ANKRD36B: variants seen among roughly 807,000 people sequenced by gnomAD.
ANKRD36B encodes the protein ankyrin repeat domain-containing protein 36B.
ANKRD36B carries 37 observed loss-of-function variants against 135.7 expected under a neutral mutation model. That is an observed-to-expected ratio of 0.27 (90% CI 0.21 to 0.36). ANKRD36B has a LOEUF of 0.36. Among genes scored for constraint, ANKRD36B ranks in the 10% least tolerant of loss-of-function variants. ANKRD36B has a pLI of 1.00. For synonymous variants in ANKRD36B, 179 were observed against 348.1 expected, an observed-to-expected ratio of 0.51 and a Z score of 5.41; for missense variants, 549 against 1,037.1, an observed-to-expected ratio of 0.53 and a Z score of 6.46.
chr2:97,557,992 G>A (rs1480532736), intron 10 of ANKRD36B, among the ~76,000 whole-genome samples: 1 of 151,602 alleles, frequency 6.6e-6, no homozygotes, highest in East Asian at 1.9e-4. Context: ...AAAATAGTCT[G>A]GTATAAAATA....
intron 20 of ANKRD36B, among the ~76,000 whole-genome samples, chr2:97,548,367 A>G (rs1275506619): frequency 3.3e-5 from 5 of 151,976 alleles, no homozygotes; most frequent in East Asian, 1.9e-4. Flanking sequence ...TTAGCCTTCC[A>G]AAAGTTTCTT....
intron 22 of ANKRD36B, among the ~76,000 whole-genome samples, chr2:97,546,217 A>G (rs2079448295): frequency 6.6e-6 from 1 of 151,776 alleles, no homozygotes; most frequent in African/African-American, 2.4e-5. Flanking sequence ...CAGGTGCTAC[A>G]TGATCCCACA....
At chr2:97,565,354 C>T (rs991224869) in intron 6 of ANKRD36B, among the ~76,000 whole-genome samples, 10 of 151,948 alleles carry the variant, frequency 6.6e-5, no homozygotes, top group Non-Finnish European at 1.2e-4. Flanking sequence ...CCGTTTATTT[C>T]TTTCTCTTGC....
intron 14 of ANKRD36B, among the ~76,000 whole-genome samples, chr2:97,554,725 T>C (rs2080348953): frequency 1.3e-5 from 2 of 152,000 alleles, no homozygotes; most frequent in African/African-American, 2.4e-5. Context: ...TTGTAAAATC[T>C]ATACTTCAAC....
chr2:97,550,036 T>C (rs1355840584), intron 18 of ANKRD36B, among the ~76,000 whole-genome samples: 1 of 151,710 alleles, frequency 6.6e-6, no homozygotes, highest in Non-Finnish European at 1.5e-5. Flanking sequence ...CAAACATTCA[T>C]CATGCTCTTT....
intron 43 of ANKRD36B, among the ~76,000 whole-genome samples, chr2:97,496,709 C>G: frequency 1.4e-5 from 1 of 72,488 alleles, no homozygotes. Flanking sequence ...GAAAACACAT[C>G]GTTTACAGTA....
intron 3 of ANKRD36B, among the ~76,000 whole-genome samples, chr2:97,581,867 A>T (rs2082657237): frequency 6.6e-6 from 1 of 152,066 alleles, no homozygotes; most frequent in Non-Finnish European, 1.5e-5. Context: ...CAGTGGTGCC[A>T]TCTCGGCTCA....
intron 37 of ANKRD36B, among the ~76,000 whole-genome samples, chr2:97,514,902 C>T (rs2077740223): frequency 1.2e-5 from 1 of 83,796 alleles, no homozygotes; most frequent in African/African-American, 3.7e-5. Context: ...AAACTGGATA[C>T]ATTTTTTTTT....
chr2:97,568,741 C>T (rs2104856607), intron 6 of ANKRD36B, among the ~76,000 whole-genome samples: 1 of 152,162 alleles, frequency 6.6e-6, no homozygotes, highest in East Asian at 1.9e-4. Flanking sequence ...GAACCATAAA[C>T]TCACTGGAGC....
Position 97,493,929 on chromosome 2 carries a change from G to A in ANKRD36B, c.*7-1074C>T, listed in dbSNP as rs2077273458. The stretch of plus-strand genomic sequence containing the variant: ...ATTGCTTGTGGGAATGCAAAATGGT[G>A]CAGTCACTTCTTGAAAGTTGTATTC... On this transcript the variant is annotated intron_variant, in intron 43 of 43. Transcript: ENST00000359901. 2.0e-5 allele frequency among the ~76,000 whole-genome samples: 2 copies of A among 100,074 alleles called. 1 individual carries two copies. The highest frequency in any genetic ancestry group is 5.6e-5 in the Non-Finnish European group (2 of 35,460). The allele number at this position is 100,074 out of a possible 152,430, so 65.7% of individuals were successfully genotyped here. A position where few individuals can be genotyped will look rare whatever the true frequency, so the allele number is the denominator to read the frequency against.
intron 22 of ANKRD36B, 91 bp downstream of exon 22, chr2:97,547,445 G>C (rs572982245): frequency 1.5e-6 from 2 of 1,309,582 alleles, no homozygotes; most frequent in African/African-American, 1.5e-5. Flanking sequence ...AGAATGTGCA[G>C]CTTCAACGAG....
intron 8 of ANKRD36B, among the ~76,000 whole-genome samples, chr2:97,559,491 G>A (rs2080833695): frequency 6.6e-6 from 1 of 151,756 alleles, no homozygotes; most frequent in Admixed American, 6.6e-5. Flanking sequence ...TCTCTTCGGT[G>A]GAAATGTCCT....
chr2:97,573,216 A>G (rs1428509013), intron 6 of ANKRD36B, among the ~76,000 whole-genome samples: 1 of 152,112 alleles, frequency 6.6e-6, no homozygotes, highest in Non-Finnish European at 1.5e-5. Flanking sequence ...TTCCAGCTTC[A>G]TCCATGTCCC....
At chr2:97,559,648 A>G (rs1313677210) in intron 8 of ANKRD36B, among the ~76,000 whole-genome samples, 2 of 151,956 alleles carry the variant, frequency 1.3e-5, no homozygotes, top group African/African-American at 4.8e-5. Context: ...TCATGGCAAC[A>G]AACGATAATG....
Position 97,521,812 on chromosome 2 carries a change from AT to A in ANKRD36B, c.2407+1513del, listed in dbSNP as rs1462394252. 3.2e-5 allele frequency among the ~76,000 whole-genome samples: 3 copies of A among 93,600 alleles called. 1 individual carries two copies. The highest frequency in any genetic ancestry group is 2.9e-4 in the Admixed American group (3 of 10,444). 61.4% of individuals were successfully genotyped at this position (93,600 alleles called of 152,430 possible). ...TGACTCAAACACTGGGTTTCCCACA[AT>A]TTGGGGAGCACCTGCAAATTAATAA... On this transcript the variant is annotated intron_variant, in intron 36 of 43. Transcript: ENST00000359901.
intron 35 of ANKRD36B, chr2:97,525,099 C>G (rs1285659609): frequency 1.0e-5 from 1 of 97,192 alleles, no homozygotes; most frequent in Non-Finnish European, 2.7e-5. Flanking sequence ...TGCCAAATCA[C>G]TGGATTGTAA....
chr2:97,587,999 T>C (rs1353989883), intron 1 of ANKRD36B, among the ~76,000 whole-genome samples: 1 of 151,254 alleles, frequency 6.6e-6, no homozygotes, highest in African/African-American at 2.4e-5. Context: ...CTAATATGTA[T>C]ACACACATAT....
chr2:97,572,281 CAA>C (rs34027238), intron 6 of ANKRD36B, among the ~76,000 whole-genome samples: 2,239 of 127,616 alleles, frequency 0.018, 21 homozygotes, highest in Non-Finnish European at 0.027. Context: ...GACTCAATCT[CAA>C]AAAAAAAAAA....
intron 20 of ANKRD36B, 54 bp from the exon 21 acceptor site, chr2:97,547,785 C>G (rs1416369425): frequency 6.5e-7 from 1 of 1,535,558 alleles, no homozygotes; most frequent in South Asian, 1.2e-5. Context: ...ACAAAATTAT[C>G]CACACATTCA....
Sources: gnomAD v4.1 joint callset for allele counts (sites outside exome capture counted in the v4.1 genomes callset) on GRCh38, gnomAD v4.1.1 for gene constraint, MANE v1.5 for transcripts, NCBI Gene and HGNC (gene_info 2026-07-23, HGNC 2026-07-21) for gene names.